Variants in SYT1 observed in about 807,000 individuals in gnomAD.
SYT1 encodes the protein synaptotagmin 1.
Under a neutral mutation model 44.8 loss-of-function variants are expected in SYT1, and 8 were observed. The ratio of observed to expected loss-of-function variants is 0.18; its 90% CI spans 0.10 to 0.32. The LOEUF (loss-of-function observed/expected upper bound fraction) is 0.32, where lower values mean the gene tolerates loss of function less well. Among genes scored for constraint, SYT1 ranks in the 10% least tolerant of loss-of-function variants. SYT1 has a pLI of 1.00. For synonymous variants in SYT1, 154 were observed against 188.8 expected, an observed-to-expected ratio of 0.82 and a Z score of 1.51; for missense variants, 286 against 509.3, an observed-to-expected ratio of 0.56 and a Z score of 4.22.
intron 3 of SYT1, among the ~76,000 whole-genome samples, chr12:79,074,040 C>T (rs1249491706): frequency 2.0e-5 from 3 of 152,150 alleles, no homozygotes; most frequent in East Asian, 3.8e-4. Flanking sequence ...AATGTGCTCA[C>T]ATTCCATAAG....
intron 3 of SYT1, among the ~76,000 whole-genome samples, chr12:79,165,363 A>C (rs1174113037): frequency 2.6e-5 from 4 of 152,014 alleles, no homozygotes; most frequent in Non-Finnish European, 5.9e-5. Flanking sequence ...CACAAATAAA[A>C]GCTTTTTTCT....
intron 3 of SYT1, among the ~76,000 whole-genome samples, chr12:79,147,224 T>C (rs111339024): frequency 2.7e-4 from 41 of 152,258 alleles, no homozygotes; most frequent in African/African-American, 9.9e-4. Flanking sequence ...TTACCAAAAA[T>C]TAAGCTGTCT....
intron 4 of SYT1, among the ~76,000 whole-genome samples, chr12:79,233,563 C>A (rs115632117): frequency 2.6e-5 from 4 of 152,212 alleles, no homozygotes; most frequent in Non-Finnish European, 4.4e-5. Context: ...GGTGCTTCCA[C>A]GTGGCCTGGA....
At chr12:79,137,165 G>A (rs995695194) in intron 3 of SYT1, among the ~76,000 whole-genome samples, 2 of 151,150 alleles carry the variant, frequency 1.3e-5, no homozygotes, top group Non-Finnish European at 2.9e-5. Flanking sequence ...GTGCAATCTC[G>A]GCTCACTGCA....
chr12:78,913,805 A>G (rs1273828639), intron 1 of SYT1, among the ~76,000 whole-genome samples: 1 of 151,922 alleles, frequency 6.6e-6, no homozygotes, highest in East Asian at 1.9e-4. Context: ...TGGTGAACAA[A>G]TCAACCTTAT....
At chr12:78,982,511 A>G (rs1869338538) in intron 2 of SYT1, among the ~76,000 whole-genome samples, 2 of 152,164 alleles carry the variant, frequency 1.3e-5, no homozygotes, top group African/African-American at 4.8e-5. Context: ...TCCATTTTCA[A>G]GAAACAAGAG....
At chr12:78,909,638 TAG>T (rs1303118212) in intron 1 of SYT1, among the ~76,000 whole-genome samples, 2 of 151,950 alleles carry the variant, frequency 1.3e-5, no homozygotes, top group African/African-American at 4.8e-5. Context: ...GACATAGATA[TAG>T]ATAAAGATTT....
chr12:78,996,534 C>T (rs553370950), intron 2 of SYT1, among the ~76,000 whole-genome samples: 25 of 152,210 alleles, frequency 1.6e-4, no homozygotes, highest in South Asian at 6.2e-4. Context: ...TTATTTTAGA[C>T]GCTAATAGTC....
intron 9 of SYT1, among the ~76,000 whole-genome samples, chr12:79,432,203 A>AT (rs1409387226): frequency 1.3e-5 from 2 of 150,628 alleles, no homozygotes; most frequent in African/African-American, 2.4e-5. Context: ...AAAAATTGTC[A>AT]TTTTTTCTTT....
At chr12:78,966,017 C>T (rs1879752033) in intron 1 of SYT1, among the ~76,000 whole-genome samples, 1 of 148,634 alleles carries the variant, frequency 6.7e-6, no homozygotes, top group South Asian at 2.1e-4. Flanking sequence ...GCAAAGATTG[C>T]AGTGAGATGA....
chr12:79,259,971 CTT>C (rs1326813809), intron 4 of SYT1, among the ~76,000 whole-genome samples: 2 of 152,088 alleles, frequency 1.3e-5, no homozygotes, highest in African/African-American at 4.8e-5. Context: ...ATACAGAACT[CTT>C]ATGAAAAAAT....
chr12:79,237,434 A>G (rs976178371), intron 4 of SYT1, among the ~76,000 whole-genome samples: 1 of 152,242 alleles, frequency 6.6e-6, no homozygotes, highest in African/African-American at 2.4e-5. Flanking sequence ...CTCATGGAAG[A>G]GTAAAGAAGT....
In SYT1 at chr12:79,285,947, C is replaced by G. The variant is rs762233198; in HGVS notation, c.327C>G (p.Asp109Glu). ...CCATTAACATGAAAGATGTAAAAGACTTAGGGAAGACGATGAAAGATCAGG... is the reference window on the plus strand; with the variant it reads ...CCATTAACATGAAAGATGTAAAAGAGTTAGGGAAGACGATGAAAGATCAGG... The part of the protein sequence containing the change: ...KNAINMKDVK[D>E]LGKTMKDQAL... The change falls in exon 5 of 11, where the codon GAC (aspartate) becomes GAG (glutamate). Residue 109 changes from aspartate to glutamate, a missense_variant. Asp to Glu is a conservative substitution (Grantham distance 45). Transcript: ENST00000261205. 1.2e-6 allele frequency: 2 copies of G among 1,609,014 alleles called. No individual in the cohort carries two copies. Among genetic ancestry groups the G allele is most frequent in the South Asian group, 2.2e-5 (2 of 89,522 alleles).
intron 3 of SYT1, among the ~76,000 whole-genome samples, chr12:79,150,834 G>C (rs1280817946): frequency 1.3e-5 from 2 of 152,162 alleles, no homozygotes; most frequent in African/African-American, 4.8e-5. Flanking sequence ...TTGTCTAAAG[G>C]CATTTTCTTT....
At chr12:79,215,644 T>G (rs1874739304) in intron 3 of SYT1, among the ~76,000 whole-genome samples, 1 of 152,078 alleles carries the variant, frequency 6.6e-6, no homozygotes, top group Non-Finnish European at 1.5e-5. Flanking sequence ...TGCAATGAGC[T>G]ATGATCTCGC....
intron 3 of SYT1, among the ~76,000 whole-genome samples, chr12:79,113,396 G>C (rs1879116123): frequency 6.6e-6 from 1 of 152,052 alleles, no homozygotes; most frequent in African/African-American, 2.4e-5. Flanking sequence ...TCTTATACTA[G>C]AGAGATATGA....
chr12:78,873,069 G>A (rs556789489), intron 1 of SYT1, among the ~76,000 whole-genome samples: 9 of 151,650 alleles, frequency 5.9e-5, no homozygotes, highest in Non-Finnish European at 8.9e-5. Context: ...CAGGCGTGCA[G>A]CACTGTATTT....
At chr12:79,195,984 ATTTC>A (rs1873428530) in intron 3 of SYT1, among the ~76,000 whole-genome samples, 1 of 152,162 alleles carries the variant, frequency 6.6e-6, no homozygotes, top group African/African-American at 2.4e-5. Context: ...AATTCTCTTT[ATTTC>A]TTCATTCAAC....
intron 1 of SYT1, among the ~76,000 whole-genome samples, chr12:78,876,796 A>G (rs1592515224): frequency 1.3e-4 from 7 of 54,332 alleles, no homozygotes; most frequent in African/African-American, 4.6e-4. Flanking sequence ...AATACATATA[A>G]TATATTATAT....
Sources: gnomAD v4.1 joint callset for allele counts (sites outside exome capture counted in the v4.1 genomes callset) on GRCh38, gnomAD v4.1.1 for gene constraint, MANE v1.5 for transcripts, NCBI Gene and HGNC (gene_info 2026-07-23, HGNC 2026-07-21) for gene names.